The following NXN variants were observed in gnomAD, a reference collection of about 807,000 sequenced individuals.
The protein encoded by NXN is nucleoredoxin, also known as nucleoredoxin 1.
In NXN, 16 loss-of-function variants were observed where a neutral mutation model predicts 48.6. That is an observed-to-expected ratio of 0.33 (90% CI 0.22 to 0.50). NXN has a LOEUF of 0.50. NXN is among the 20% of genes least tolerant of loss of function. The pLI, the probability that NXN is intolerant of heterozygous loss-of-function variation, is 0.98. For missense variants in NXN, 492 were observed against 605.5 expected, an observed-to-expected ratio of 0.81 and a Z score of 1.97; for synonymous variants, 281 against 269.6, an observed-to-expected ratio of 1.04 and a Z score of -0.41.
intron 2 of NXN, among the ~76,000 whole-genome samples, chr17:823,974 C>G (rs1912957824): frequency 6.6e-6 from 1 of 151,984 alleles, no homozygotes; most frequent in Admixed American, 6.6e-5. Flanking sequence ...TAGAGCCATT[C>G]CCTGCCCTCC....
At position 868,028 on chromosome 17, in the gene NXN, C is replaced by G. The variant is rs557031032; in HGVS notation, c.361-41950G>C. ...AGAGTGACAGGAGCATGACCTATTCCGGGGACACAGCAGGGACATGTGTTG... is the reference window on the plus strand; with the variant it reads ...AGAGTGACAGGAGCATGACCTATTCGGGGGACACAGCAGGGACATGTGTTG... On this transcript the variant is annotated intron_variant, in intron 1 of 7. Coordinates refer to ENST00000336868, the MANE Select transcript of NXN (RefSeq NM_022463.5). Among the ~76,000 whole-genome samples, 4 of 152,234 alleles carry G rather than the reference C, an allele frequency of 2.6e-5. No homozygotes were observed. In the South Asian group the frequency reaches 8.3e-4, roughly 32 times the overall value.
chr17:897,003 G>A lies in NXN; in HGVS notation c.361-70925C>T, dbSNP rs542181932. 7.0e-5 allele frequency: 80 copies of A among 1,137,512 alleles called. 1 individual carries two copies. Among genetic ancestry groups the A allele is most frequent in the Middle Eastern group, 5.0e-4 (2 of 4,008 alleles). The allele number at this position is 1,137,512 out of a possible 1,614,324, so 70.5% of individuals were successfully genotyped here. ...AGGAAAGTCCCCGCGGCAGATACAC[G>A]GACTCCGTAATGGAAACTCCGGCGT... On this transcript the variant is annotated intron_variant, in intron 1 of 7. Transcript: ENST00000336868.
At chr17:823,883 A>C in intron 2 of NXN, 118 bp from the exon 3 acceptor site, 1 of 961,940 alleles carries the variant, frequency 1.0e-6, no homozygotes, top group East Asian at 2.5e-5. Context: ...GAGACCTCAG[A>C]GCGGCAGGCG....
intron 1 of NXN, among the ~76,000 whole-genome samples, chr17:897,855 T>C (rs2068503131): frequency 6.6e-6 from 1 of 152,170 alleles, no homozygotes; most frequent in Admixed American, 6.5e-5. Flanking sequence ...TTTCTATTTT[T>C]TTCTTAGTAG....
intron 1 of NXN, among the ~76,000 whole-genome samples, chr17:944,291 C>G (rs1407943073): frequency 6.6e-6 from 1 of 152,170 alleles, no homozygotes; most frequent in Non-Finnish European, 1.5e-5. Flanking sequence ...GTTTATTAAG[C>G]TTCCATAATG....
At chr17:867,790 G>A (rs1184264201) in intron 1 of NXN, among the ~76,000 whole-genome samples, 1 of 152,050 alleles carries the variant, frequency 6.6e-6, no homozygotes, top group African/African-American at 2.4e-5. Context: ...GCCAGGTGTG[G>A]TGGCGGGAGG....
intron 1 of NXN, among the ~76,000 whole-genome samples, chr17:944,324 T>A (rs943891543): frequency 6.6e-6 from 1 of 152,212 alleles, no homozygotes; most frequent in Non-Finnish European, 1.5e-5. Flanking sequence ...CCAGGTGATT[T>A]GTGTTCCTGT....
rs1597657494 is a variant in NXN, at chr17:845,000, C to T, written c.361-18922G>A. ...GGACACCAGGGCTCATCCCAGCACC[C>T]CAGAGCTCCAGGCTGATTTTCTAGT... is the stretch of plus-strand genomic sequence containing the variant. On this transcript the variant is annotated intron_variant, in intron 1 of 7. Transcript: ENST00000336868. 2.6e-5 allele frequency among the ~76,000 whole-genome samples: 4 copies of T among 152,130 alleles called. No individual in the cohort carries two copies. In the South Asian group the frequency reaches 8.3e-4, roughly 32 times the overall value.
intron 1 of NXN, among the ~76,000 whole-genome samples, chr17:860,206 C>G (rs1018280149): frequency 1.3e-5 from 2 of 152,262 alleles, no homozygotes; most frequent in Admixed American, 1.3e-4. Flanking sequence ...TCACTGCAAC[C>G]TCCGCCTCCT....
chr17:964,160 G>A (rs1436967267), intron 1 of NXN, among the ~76,000 whole-genome samples: 1 of 152,184 alleles, frequency 6.6e-6, no homozygotes, highest in Non-Finnish European at 1.5e-5. Flanking sequence ...AAGTCATGCT[G>A]AGCAGAGGAA....
chr17:934,968 G>A (rs187041813), intron 1 of NXN, among the ~76,000 whole-genome samples: 35 of 149,824 alleles, frequency 2.3e-4, no homozygotes, highest in African/African-American at 6.1e-4. Flanking sequence ...GCATCATTTT[G>A]CTGTGCTCTT....
chr17:864,627 T>C (rs1375016831), intron 1 of NXN, among the ~76,000 whole-genome samples: 3 of 152,342 alleles, frequency 2.0e-5, no homozygotes, highest in Non-Finnish European at 4.4e-5. Context: ...GATAATTCTC[T>C]GGTCTAACAT....
intron 1 of NXN, among the ~76,000 whole-genome samples, chr17:940,792 G>A (rs1235803702): frequency 1.3e-5 from 2 of 150,614 alleles, no homozygotes; most frequent in African/African-American, 5.0e-5. Flanking sequence ...GATTTCCAGT[G>A]AAATAGATTC....
intron 1 of NXN, among the ~76,000 whole-genome samples, chr17:838,861 G>C (rs1429849591): frequency 6.6e-6 from 1 of 152,184 alleles, no homozygotes; most frequent in Non-Finnish European, 1.5e-5. Context: ...GTTCCGGGTT[G>C]AGTTTGGTCC....
intron 1 of NXN, among the ~76,000 whole-genome samples, chr17:889,760 A>AG (rs72451263): frequency 0.27 from 6,427 of 24,208 alleles, 386 homozygotes; most frequent in Admixed American, 0.3. Flanking sequence ...AGAAAGAAAG[A>AG]AAAAGAAAGA....
At chr17:890,745 T>G (rs2068407833) in intron 1 of NXN, among the ~76,000 whole-genome samples, 1 of 152,154 alleles carries the variant, frequency 6.6e-6, no homozygotes, top group Non-Finnish European at 1.5e-5. Flanking sequence ...TTATGACTTC[T>G]GACAGATAAG....
chr17:841,901 C>T (rs551387561), intron 1 of NXN, among the ~76,000 whole-genome samples: 31 of 152,272 alleles, frequency 2.0e-4, no homozygotes, highest in Non-Finnish European at 4.0e-4. Flanking sequence ...CTTTGGGAGG[C>T]CGAGGTGGGC....
chr17:849,564 C>T lies in NXN; in HGVS notation c.361-23486G>A, dbSNP rs576033206. Among the ~76,000 whole-genome samples the T allele has an allele frequency of 3.3e-5, 5 of 152,210 alleles. No individual in the cohort carries two copies. Among genetic ancestry groups the T allele is most frequent in the African/African-American group, 1.2e-4 (5 of 41,550 alleles). ...TCCCAACCAGCGTGCTAGGAGCAGG[C>T]TCCAGGAGGGCACCGCACTGGCCCT... On this transcript the variant is annotated intron_variant, in intron 1 of 7. Transcript: ENST00000336868. The surrounding 1 kb of genome is among the most constrained non-coding windows in gnomAD (Gnocchi z 4.2).
At chr17:810,257 G>C (rs962851883) in intron 5 of NXN, among the ~76,000 whole-genome samples, 4 of 125,478 alleles carry the variant, frequency 3.2e-5, no homozygotes, top group South Asian at 5.6e-4. Context: ...GAGTCTGTGA[G>C]TGGCGTGCAC....
Sources: allele counts gnomAD v4.1 joint callset (sites outside exome capture counted in the v4.1 genomes callset), GRCh38; gene constraint gnomAD v4.1.1; non-coding constraint Gnocchi (gnomAD v3.1); transcripts MANE v1.5; gene names NCBI Gene and HGNC (gene_info 2026-07-23, HGNC 2026-07-21).